The following ATG4A variants were observed in gnomAD, a reference collection of about 807,000 sequenced individuals.
ATG4A encodes the protein cysteine protease ATG4A.
In ATG4A, 22 loss-of-function variants were observed where a neutral mutation model predicts 38.4. That is an observed-to-expected ratio of 0.57 (90% CI 0.41 to 0.82). ATG4A has a LOEUF of 0.82. Ranked by LOEUF, ATG4A falls within the 40% of genes least tolerant of loss-of-function variation. ATG4A has a pLI of 0.00. For missense variants in ATG4A, 220 were observed against 290.0 expected (o/e 0.76, Z 1.75); for synonymous variants, 86 against 100.7 (o/e 0.85, Z 0.88).
chrX:108,134,285 G>C, intron 5 of ATG4A, 54 bp from the exon 6 acceptor site: 1 of 1,171,950 alleles, frequency 8.5e-7, no homozygotes, highest in Non-Finnish European at 1.2e-6. Context: ...AAGATTTTGT[G>C]GCTTATTGGA....
chrX:108,125,481 T>A (rs998096356), intron 1 of ATG4A, among the ~76,000 whole-genome samples: 4 of 112,678 alleles, frequency 3.5e-5, no homozygotes, highest in Non-Finnish European at 7.5e-5. Context: ...CATCTGTGAA[T>A]TCCAAGAACA....
intron 9 of ATG4A, chrX:108,143,787 GCCACTT>G (rs1197849053): frequency 1.0e-5 from 2 of 192,766 alleles, no homozygotes; most frequent in Non-Finnish European, 2.0e-5. Flanking sequence ...GGTGAGTGGT[GCCACTT>G]CCACTTCCAC....
At chrX:108,140,575 A>G (rs1048399374) in intron 9 of ATG4A, among the ~76,000 whole-genome samples, 1 of 104,611 alleles carries the variant, frequency 9.6e-6, no homozygotes, top group African/African-American at 3.4e-5. Context: ...ACACATTTAT[A>G]CATATATATA....
At chrX:108,141,454 G>A (rs1047653367) in intron 9 of ATG4A, among the ~76,000 whole-genome samples, 6 of 111,204 alleles carry the variant, frequency 5.4e-5, no homozygotes, top group Non-Finnish European at 9.4e-5. Context: ...AGATTAAAAA[G>A]TTATTTCTTC....
intron 1 of ATG4A, among the ~76,000 whole-genome samples, chrX:108,121,256 T>C (rs2032641103): frequency 9.0e-6 from 1 of 111,232 alleles, no homozygotes; most frequent in Admixed American, 9.5e-5. Context: ...GCCTTGGTCT[T>C]CTGGCTGTCT....
rs772934484 is a variant in ATG4A at position 108,129,241 on chromosome X, A to C, written c.193+389A>C. ...GAAAATTGTGTCTTGAAAGAAAGAA[A>C]ATAATTTATTTGTTTTTTTTCCCCC... On this transcript the variant is annotated intron_variant, in intron 3 of 12. Coordinates refer to ENST00000372232, the MANE Select transcript of ATG4A (RefSeq NM_052936.5). Among the ~76,000 whole-genome samples, 10 of 112,481 alleles carry C rather than the reference A, an allele frequency of 8.9e-5. No individual in the cohort carries two copies. The East Asian group carries it at 2.8e-3, about 31-fold the overall frequency.
intron 1 of ATG4A, among the ~76,000 whole-genome samples, chrX:108,103,948 G>T (rs1452498554): frequency 9.0e-6 from 1 of 111,645 alleles, no homozygotes; most frequent in Non-Finnish European, 1.9e-5. Context: ...CTGGGTTCAA[G>T]AAATTCTCCT....
intron 4 of ATG4A, among the ~76,000 whole-genome samples, chrX:108,131,962 C>T (rs769500217): frequency 9.1e-6 from 1 of 110,109 alleles, no homozygotes; most frequent in Non-Finnish European, 1.9e-5. Context: ...TGCAGTGGTG[C>T]GATCTCGGCT....
In ATG4A at chrX:108,154,345, T is replaced by C. The variant is rs112428644; in HGVS notation, c.*633T>C. Reference sequence around the variant, plus strand: ...ACTGTCCCCATTCTTACTGATACTTTTGTCAGATATCACCCTGTCCTTAAA... The same window carrying C: ...ACTGTCCCCATTCTTACTGATACTTCTGTCAGATATCACCCTGTCCTTAAA... On this transcript the variant is annotated 3_prime_UTR_variant, in exon 13 of 13. Coordinates refer to ENST00000372232, the MANE Select transcript of ATG4A (RefSeq NM_052936.5). The C allele has an allele frequency of 8.9e-6, 1 of 112,536 alleles. No individual in the cohort carries two copies. Among genetic ancestry groups the C allele is most frequent in the Non-Finnish European group, 1.9e-5 (1 of 53,342 alleles). 9.3% of individuals were successfully genotyped at this position (112,536 alleles called of 1,213,427 possible). A position where few individuals can be genotyped will look rare whatever the true frequency, so the allele number is the denominator to read the frequency against.
Position 108,137,189 on chromosome X carries a change from T to A in ATG4A, c.547+19T>A, listed in dbSNP as rs369504594. The A allele has an allele frequency of 5.1e-6, 6 of 1,165,968 alleles. No individual in the cohort carries two copies. Among genetic ancestry groups the A allele is most frequent in the African/African-American group, 3.5e-5 (2 of 56,489 alleles). On this transcript the variant is annotated intron_variant, in intron 7 of 12. Coordinates refer to ENST00000372232, the MANE Select transcript of ATG4A (RefSeq NM_052936.5). ...GATATCAGTGAGTTACCAGCCTGTTTAACTTCCCAGCTGATGGGTGATGAG... is the reference window on the plus strand; with the variant it reads ...GATATCAGTGAGTTACCAGCCTGTTAAACTTCCCAGCTGATGGGTGATGAG...
At chrX:108,096,642 G>A (rs757954976) in intron 1 of ATG4A, among the ~76,000 whole-genome samples, 160 of 108,899 alleles carry the variant, frequency 1.5e-3, no homozygotes, top group Non-Finnish European at 2.6e-3. Flanking sequence ...TTTATAAACA[G>A]TATATTTTAT....
chrX:108,126,046 A>C, intron 1 of ATG4A, 31 bp from the exon 2 acceptor site: 2 of 1,039,462 alleles, frequency 1.9e-6, no homozygotes, highest in Non-Finnish European at 2.7e-6. Flanking sequence ...CCTTCTATTA[A>C]ATTTTACTTG....
At chrX:108,122,353 T>C (rs140733535) in intron 1 of ATG4A, among the ~76,000 whole-genome samples, 394 of 112,083 alleles carry the variant, frequency 3.5e-3, no homozygotes, top group African/African-American at 0.012. Context: ...ATGAAAAAAC[T>C]GGCAGAAATA....
At position 108,138,039 on chromosome X, in the gene ATG4A, G is replaced by A. The variant is rs187947328; in HGVS notation, c.735+48G>A. On this transcript the variant is annotated intron_variant, in intron 8 of 12. Coordinates refer to ENST00000372232, the MANE Select transcript of ATG4A (RefSeq NM_052936.5). ...CCCATTGCTGCCTGCCCATCACACC[G>A]CCATCTCAGCACAGAGATCCGTGAG... 3,819 of 1,191,650 alleles carry A rather than the reference G, an allele frequency of 3.2e-3. 6 individuals carry two copies. The highest frequency in any genetic ancestry group is 3.8e-3 in the Non-Finnish European group (3,310 of 880,137).
chrX:108,138,060 G>A (rs993516203), intron 8 of ATG4A, 53 bp from the exon 9 acceptor site: 4 of 1,194,825 alleles, frequency 3.3e-6, no homozygotes, highest in African/African-American at 1.7e-5. Context: ...ACAGAGATCC[G>A]TGAGCAGCAG....
At chrX:108,153,164 C>A in intron 12 of ATG4A, 77 bp downstream of exon 12, 2 of 756,303 alleles carry the variant, frequency 2.6e-6, no homozygotes, top group Non-Finnish European at 4.0e-6. Context: ...GAATTGTGGC[C>A]CATGCTTTCT....
intron 4 of ATG4A, among the ~76,000 whole-genome samples, chrX:108,133,527 A>C (rs1391006261): frequency 1.8e-5 from 2 of 112,612 alleles, no homozygotes; most frequent in Admixed American, 1.9e-4. Context: ...GACAGCATGC[A>C]ATTTTTTTAA....
intron 9 of ATG4A, among the ~76,000 whole-genome samples, chrX:108,147,065 G>A (rs1569313888): frequency 1.8e-5 from 2 of 111,131 alleles, no homozygotes; most frequent in African/African-American, 6.5e-5. Flanking sequence ...CCTCCTCATG[G>A]GTCACACTCT....
At chrX:108,150,112 G>C in intron 9 of ATG4A, 40 bp from the exon 10 acceptor site, 1 of 1,201,097 alleles carries the variant, frequency 8.3e-7, no homozygotes, top group Non-Finnish European at 1.1e-6. Context: ...GGCCAGGACC[G>C]GTAATCCTTT....
Sources: allele counts gnomAD v4.1 joint callset (sites outside exome capture counted in the v4.1 genomes callset), GRCh38; gene constraint gnomAD v4.1.1; transcripts MANE v1.5; gene names NCBI Gene and HGNC (gene_info 2026-07-23, HGNC 2026-07-21).